Variants in KDM4B observed in about 807,000 individuals in gnomAD.
The protein encoded by KDM4B is lysine demethylase 4B.
Under a neutral mutation model 125.2 loss-of-function variants are expected in KDM4B, and 32 were observed. The observed-to-expected ratio is 0.26, with a 90% confidence interval of 0.19 to 0.34. KDM4B has a LOEUF of 0.34. Ranked by LOEUF, KDM4B falls within the 10% of genes least tolerant of loss-of-function variation. The pLI is 1.00. For synonymous variants in KDM4B, 721 were observed against 677.9 expected, an observed-to-expected ratio of 1.06 and a Z score of -0.99; for missense variants, 1,190 against 1,577.7, an observed-to-expected ratio of 0.75 and a Z score of 4.16.
At chr19:5,040,377 GCACAGA>G (rs1225106765) in intron 4 of KDM4B, among the ~76,000 whole-genome samples, 9 of 152,062 alleles carry the variant, frequency 5.9e-5, no homozygotes, top group African/African-American at 2.2e-4. Context: ...ACACAGGAGG[GCACAGA>G]CACAGAACAC....
At chr19:5,128,122 A>C (rs1844471856) in intron 11 of KDM4B, among the ~76,000 whole-genome samples, 1 of 151,312 alleles carries the variant, frequency 6.6e-6, no homozygotes, top group African/African-American at 2.4e-5. Flanking sequence ...GTGTGAGGAC[A>C]GCCCGGCTCT....
intron 13 of KDM4B, among the ~76,000 whole-genome samples, 175 bp downstream of exon 13, chr19:5,132,182 G>A (rs188936270): frequency 1.3e-4 from 20 of 152,322 alleles, no homozygotes; most frequent in East Asian, 1.2e-3. Context: ...GGGGCAGGTG[G>A]TCGTGCGGGG....
intron 9 of KDM4B, among the ~76,000 whole-genome samples, chr19:5,102,603 G>A (rs555359150): frequency 1.8e-4 from 27 of 152,272 alleles, no homozygotes; most frequent in Admixed American, 1.2e-3. Context: ...GGCCACTCCC[G>A]GTCTCTTGCT....
At chr19:5,002,542 C>T (rs909753718) in intron 1 of KDM4B, among the ~76,000 whole-genome samples, 2 of 150,822 alleles carry the variant, frequency 1.3e-5, no homozygotes, top group Non-Finnish European at 2.9e-5. Context: ...TCTTTCAAGA[C>T]GAGGTCTTAC....
chr19:5,063,587 G>A (rs978548565), intron 6 of KDM4B, among the ~76,000 whole-genome samples: 9 of 152,124 alleles, frequency 5.9e-5, no homozygotes, highest in African/African-American at 2.2e-4. Flanking sequence ...TGGACACCCT[G>A]GGCTCCACAG....
chr19:4,969,419 C>T (rs1424109574), intron 1 of KDM4B, among the ~76,000 whole-genome samples, 189 bp downstream of exon 1: 1 of 147,156 alleles, frequency 6.8e-6, no homozygotes, highest in Non-Finnish European at 1.5e-5. Flanking sequence ...AACCGCCCGG[C>T]CCGGGGGCGC....
intron 6 of KDM4B, among the ~76,000 whole-genome samples, chr19:5,062,236 G>C (rs1471238032): frequency 6.6e-6 from 1 of 152,232 alleles, no homozygotes; most frequent in Non-Finnish European, 1.5e-5. Flanking sequence ...GGCTGTCTGT[G>C]TGTCCTGGCC....
chr19:5,118,853 G>T (rs1054848833), intron 10 of KDM4B, among the ~76,000 whole-genome samples: 1 of 152,212 alleles, frequency 6.6e-6, no homozygotes, highest in Admixed American at 6.5e-5. Context: ...GGGTGTCCAG[G>T]TTGGGCATGC....
intron 1 of KDM4B, among the ~76,000 whole-genome samples, chr19:4,977,625 C>T (rs920285991): frequency 2.6e-5 from 4 of 152,302 alleles, no homozygotes; most frequent in South Asian, 2.1e-4. Flanking sequence ...TGAGATTAGC[C>T]GGCCGTGGAT....
chr19:5,127,325 C>G (rs1278200924), intron 11 of KDM4B, among the ~76,000 whole-genome samples: 1 of 152,148 alleles, frequency 6.6e-6, no homozygotes, highest in Non-Finnish European at 1.5e-5. Context: ...AGGACAGAGC[C>G]CCGAGGAATG....
chr19:5,072,984 C>T (rs1010816041), intron 7 of KDM4B, among the ~76,000 whole-genome samples: 1 of 152,234 alleles, frequency 6.6e-6, no homozygotes, highest in African/African-American at 2.4e-5. Context: ...GCCTCTGTCT[C>T]TGGTCTCCTC....
intron 1 of KDM4B, among the ~76,000 whole-genome samples, chr19:5,007,795 C>A (rs929648185): frequency 2.6e-5 from 4 of 152,106 alleles, no homozygotes; most frequent in Non-Finnish European, 5.9e-5. Context: ...TCAAGTGATC[C>A]TCCCACCTCT....
rs10718211 is a variant in KDM4B, at chr19:5,128,860, CGG to C, written c.1316-2206_1316-2205del. On this transcript the variant is annotated intron_variant, in intron 11 of 22. Coordinates refer to ENST00000159111, the MANE Select transcript of KDM4B (RefSeq NM_015015.3). ...GCCAGATAACAGTGGAGGCGGGGGG[CGG>C]GGGGGGGGGTCATATAACAGCGGGG... Among the ~76,000 whole-genome samples the C allele has an allele frequency of 8.6e-3, 608 of 70,420 alleles. 1 individual carries two copies. Among genetic ancestry groups the C allele is most frequent in the African/African-American group, 0.018 (323 of 18,178 alleles). 46.2% of individuals were successfully genotyped at this position (70,420 alleles called of 152,430 possible).
In KDM4B at chr19:5,153,324, A is replaced by AGCGG. The variant is rs2039979039; in HGVS notation, c.*1819_*1822dup. 6.6e-6 allele frequency: 1 copy of AGCGG among 152,256 alleles called. No individual in the cohort carries two copies. The highest frequency in any genetic ancestry group is 2.4e-5 in the African/African-American group (1 of 41,466). 9.4% of individuals were successfully genotyped at this position (152,256 alleles called of 1,614,324 possible). A position where few individuals can be genotyped will look rare whatever the true frequency, so the allele number is the denominator to read the frequency against. On this transcript the variant is annotated 3_prime_UTR_variant, in exon 23 of 23. Coordinates refer to ENST00000159111, the MANE Select transcript of KDM4B (RefSeq NM_015015.3). ...GAAAATGCTATTTATATTGTAAAGA[A>AGCGG]GCGGGCGGGTGCCCCTGCTGCCCTT... is the stretch of plus-strand genomic sequence containing the variant.
rs1488519407 is a variant in KDM4B, at chr19:5,082,112, G to A, written c.781-255G>A. Among the ~76,000 whole-genome samples the A allele has an allele frequency of 1.3e-5, 2 of 152,260 alleles. No homozygotes were observed. The highest frequency in any genetic ancestry group is 4.8e-5 in the African/African-American group (2 of 41,470). On this transcript the variant is annotated intron_variant, in intron 8 of 22. Coordinates refer to ENST00000159111, the MANE Select transcript of KDM4B (RefSeq NM_015015.3). The surrounding 1 kb of genome is among the most constrained non-coding windows in gnomAD (Gnocchi z 5.4). ...CCTTGGGGCAGGGCAGGGGCTGCTG[G>A]GGCTGGAGGGGCCCGGCTGAGCCGA... is the stretch of plus-strand genomic sequence containing the variant.
chr19:5,023,758 A>ATTTTTTTT (rs148293792), intron 2 of KDM4B, among the ~76,000 whole-genome samples: 4 of 89,120 alleles, frequency 4.5e-5, no homozygotes, highest in Non-Finnish European at 8.0e-5. Context: ...GTCTTTTTGA[A>ATTTTTTTT]TTTTTTTTTT....
At chr19:5,062,815 C>G (rs2037649960) in intron 6 of KDM4B, among the ~76,000 whole-genome samples, 1 of 122,938 alleles carries the variant, frequency 8.1e-6, no homozygotes, top group African/African-American at 3.1e-5. Context: ...GAGTTTCCCT[C>G]TGTTGCCTAG....
intron 9 of KDM4B, among the ~76,000 whole-genome samples, chr19:5,092,651 T>G (rs1418051247): frequency 2.0e-5 from 3 of 152,082 alleles, no homozygotes; most frequent in Non-Finnish European, 2.9e-5. Flanking sequence ...CTGCCTGGCA[T>G]CAGAGGAGCG....
At chr19:5,132,424 G>T (rs1213898209) in intron 13 of KDM4B, among the ~76,000 whole-genome samples, 1 of 152,182 alleles carries the variant, frequency 6.6e-6, no homozygotes, top group African/African-American at 2.4e-5. Context: ...GCTGTCTTGT[G>T]TGCAGAAGTC....
Sources: allele counts gnomAD v4.1 joint callset (sites outside exome capture counted in the v4.1 genomes callset), GRCh38; gene constraint gnomAD v4.1.1; non-coding constraint Gnocchi (gnomAD v3.1); transcripts MANE v1.5; gene names NCBI Gene and HGNC (gene_info 2026-07-23, HGNC 2026-07-21).